TRIM17: variants seen among roughly 807,000 people sequenced by gnomAD.
TRIM17 encodes the protein E3 ubiquitin-protein ligase TRIM17.
Under a neutral mutation model 35.8 loss-of-function variants are expected in TRIM17, and 27 were observed. The ratio of observed to expected loss-of-function variants is 0.75; its 90% CI spans 0.56 to 1.04. The LOEUF is 1.04. Among genes scored for constraint, TRIM17 ranks in the 50% least tolerant of loss-of-function variants. The pLI, the probability that TRIM17 is intolerant of heterozygous loss-of-function variation, is 0.00. For missense variants in TRIM17, 582 were observed against 612.8 expected, an observed-to-expected ratio of 0.95 and a Z score of 0.53; for synonymous variants, 246 against 252.6, an observed-to-expected ratio of 0.97 and a Z score of 0.25.
At position 228,415,078 on chromosome 1, in the gene TRIM17, C is replaced by T. The variant is rs775316200; in HGVS notation, c.-6G>A. The stretch of plus-strand genomic sequence containing the variant: ...GCGAGTTCCACAGCCTCCATGGCTC[C>T]TGGGAGACACGAGGCAGGTTCCCGC... On this transcript the variant is annotated 5_prime_UTR_variant, in exon 2 of 7. Transcript: ENST00000366698. The T allele has an allele frequency of 5.2e-5, 83 of 1,595,670 alleles. No homozygotes were observed. The highest frequency in any genetic ancestry group is 6.4e-5 in the Non-Finnish European group (75 of 1,168,002).
Position 228,411,188 on chromosome 1 carries a change from G to C in TRIM17, c.526-12C>G. The C allele has an allele frequency of 6.3e-7, 1 of 1,591,054 alleles. No homozygotes were observed. The highest frequency in any genetic ancestry group is 8.6e-7 in the Non-Finnish European group (1 of 1,167,196). On this transcript the variant is annotated splice_polypyrimidine_tract_variant and intron_variant, in intron 3 of 6. Transcript: ENST00000366698. This position sits in a 1 kb window ranked among gnomAD's most constrained non-coding sequence, Gnocchi z 4.2. Reference sequence around the variant, plus strand: ...TCCTTCACCTTGCCCTGCAGGAGTGGAGAAGCCCAGCATGTTGCCAGCAGG... The same window carrying C: ...TCCTTCACCTTGCCCTGCAGGAGTGCAGAAGCCCAGCATGTTGCCAGCAGG...
intron 3 of TRIM17, 126 bp downstream of exon 3, chr1:228,413,671 G>C: frequency 1.4e-6 from 1 of 708,026 alleles, no homozygotes; most frequent in Admixed American, 2.3e-5. Flanking sequence ...GAACCTAGAA[G>C]GGTAGAGGCA....
At chr1:228,409,478 C>G (rs967820665) in intron 4 of TRIM17, 67 bp from the exon 5 acceptor site, 1 of 1,430,376 alleles carries the variant, frequency 7.0e-7, no homozygotes, top group Non-Finnish European at 9.3e-7. Context: ...TGTCCCTGCT[C>G]CCTTCTTGTC....
chr1:228,409,874 C>G (rs988692972), intron 4 of TRIM17, among the ~76,000 whole-genome samples: 38 of 152,058 alleles, frequency 2.5e-4, no homozygotes, highest in African/African-American at 7.2e-4. Context: ...CTAAAGAGAT[C>G]ACTGTTTACT....
chr1:228,409,109 G>A (rs1331608149), intron 6 of TRIM17, 63 bp downstream of exon 6: 1 of 1,613,798 alleles, frequency 6.2e-7, no homozygotes, highest in African/African-American at 1.3e-5. Context: ...GAGGCTAGGG[G>A]GTACAGTGGG....
intron 6 of TRIM17, 80 bp downstream of exon 6, chr1:228,409,092 G>A (rs1471978746): frequency 6.2e-7 from 1 of 1,613,650 alleles, no homozygotes; most frequent in Admixed American, 1.7e-5. Context: ...CCCCATTGGT[G>A]GCTTCCGAGG....
intron 3 of TRIM17, among the ~76,000 whole-genome samples, chr1:228,412,140 T>C (rs1253884010): frequency 6.6e-6 from 1 of 152,192 alleles, no homozygotes; most frequent in East Asian, 1.9e-4. Flanking sequence ...CAGGTCACCA[T>C]GGGACTGGTC....
chr1:228,408,834 G>T lies in TRIM17; in HGVS notation c.884-83C>A. The T allele has an allele frequency of 6.5e-7, 1 of 1,527,674 alleles. No homozygotes were observed. The highest frequency in any genetic ancestry group is 1.4e-5 in the African/African-American group (1 of 73,156). 94.6% of individuals were successfully genotyped at this position (1,527,674 alleles called of 1,614,324 possible). On this transcript the variant is annotated intron_variant, in intron 6 of 6. Coordinates refer to ENST00000366698, the MANE Select transcript of TRIM17 (RefSeq NM_016102.4). The surrounding 1 kb of genome is among the most constrained non-coding windows in gnomAD (Gnocchi z 6.3). ...AGGTGGGAGTCCCCGGGCCCTAGTG[G>T]TGGATGTGGCCAATGGTCCCCTAAC...
chr1:228,416,306 C>T (rs1657120211), intron 1 of TRIM17: 2 of 982,696 alleles, frequency 2.0e-6, no homozygotes, highest in Non-Finnish European at 2.4e-6. Flanking sequence ...GGGACAGCGG[C>T]AGCGGGCCTG....
At chr1:228,414,497 A>T in intron 2 of TRIM17, 147 bp downstream of exon 2, 2 of 680,324 alleles carry the variant, frequency 2.9e-6, no homozygotes, top group Non-Finnish European at 5.0e-6. Context: ...GCCACAGGCC[A>T]CCTTGTCCCC....
chr1:228,411,291 G>C lies in TRIM17; in HGVS notation c.526-115C>G, dbSNP rs192218735. On this transcript the variant is annotated intron_variant, in intron 3 of 6. Coordinates refer to ENST00000366698, the MANE Select transcript of TRIM17 (RefSeq NM_016102.4). This position sits in a 1 kb window ranked among gnomAD's most constrained non-coding sequence, Gnocchi z 4.2. The stretch of plus-strand genomic sequence containing the variant: ...AAGATCACCAGCAACTGGAGCTTTA[G>C]TTGGGGACCAGGAACTGTGACAGAG... The C allele has an allele frequency of 7.8e-4, 646 of 823,122 alleles. 4 individuals carry two copies. The highest frequency in any genetic ancestry group is 7.4e-3 in the East Asian group (296 of 39,996). 51.0% of individuals were successfully genotyped at this position (823,122 alleles called of 1,614,324 possible).
chr1:228,408,617 C>A lies in TRIM17; in HGVS notation c.1018G>T (p.Ala340Ser). ...GAGGAGAAGGCCGTCTGGCCCACAG[C>A]ACAGGGGTAAGCCACAAATCGGTCC... is the stretch of plus-strand genomic sequence containing the variant. ...SKDRFVAYPC[A>S]VGQTAFSSGR... The change falls in exon 7 of 7, where the codon GCT becomes TCT. Residue 340 changes from alanine to serine, a missense_variant. By Grantham distance (99) the Ala-to-Ser change is moderately conservative. Transcript: ENST00000366698. The surrounding 1 kb of genome is among the most constrained non-coding windows in gnomAD (Gnocchi z 6.3). The A allele has an allele frequency of 6.2e-7, 1 of 1,613,816 alleles. No individual in the cohort carries two copies. The highest frequency in any genetic ancestry group is 8.5e-7 in the Non-Finnish European group (1 of 1,180,040).
In TRIM17 at chr1:228,408,203, A is replaced by G. The variant is rs762322508; in HGVS notation, c.1432T>C (p.Ter478GlnextTer37). The change falls in exon 7 of 7, where the codon TAG becomes CAG. Residue 478 changes from the stop codon to glutamine (Q), a stop_lost. Transcript: ENST00000366698. This position sits in a 1 kb window ranked among gnomAD's most constrained non-coding sequence, Gnocchi z 6.3. ...ISTVTMWVKG* is the reference protein window; with the variant it reads ...ISTVTMWVKGQ ...TGCCCGAGTCCCCCGGTCTGTGTCT[A>G]TCCTTTCACCCACATGGTCACTGTG... 5.2e-6 allele frequency: 8 copies of G among 1,524,282 alleles called. No individual in the cohort carries two copies. Among genetic ancestry groups the G allele is most frequent in the South Asian group, 2.6e-5 (2 of 76,036 alleles). The allele number at this position is 1,524,282 out of a possible 1,614,324, so 94.4% of individuals were successfully genotyped here.
chr1:228,413,851 G>A lies in TRIM17; in HGVS notation c.471C>T (p.Ile157=), dbSNP rs1396900141. ...EEDMEYLREQ[I]TRTGNLQARE... is the part of the protein sequence containing the mutation. Reference sequence around the variant, plus strand: ...TGGCCTGCAGATTCCCTGTCCTGGTGATCTGCTCCCGAAGGTACTCCATGT... The same window carrying A: ...TGGCCTGCAGATTCCCTGTCCTGGTAATCTGCTCCCGAAGGTACTCCATGT... Residue 157 remains isoleucine, a synonymous_variant, in exon 3 of 7, where the codon ATC becomes ATT. Transcript: ENST00000366698. 6.2e-7 allele frequency: 1 copy of A among 1,614,204 alleles called. No homozygotes were observed. Among genetic ancestry groups the A allele is most frequent in the South Asian group, 1.1e-5 (1 of 91,092 alleles).
chr1:228,410,856 C>A lies in TRIM17; in HGVS notation c.756+90G>T. The A allele has an allele frequency of 1.1e-6, 1 of 946,902 alleles. No homozygotes were observed. The allele number at this position is 946,902 out of a possible 1,614,324, so 58.7% of individuals were successfully genotyped here. ...AGACTGGGAGCTAACAGCCCTTTCC[C>A]GTTGGCTGCCTCTTCCCCAAGCCCA... On this transcript the variant is annotated intron_variant, in intron 4 of 6. Transcript: ENST00000366698. The surrounding 1 kb of genome is among the most constrained non-coding windows in gnomAD (Gnocchi z 4.6).
intron 1 of TRIM17, chr1:228,415,640 TTTTC>T (rs1657070091): frequency 6.5e-6 from 1 of 152,852 alleles, no homozygotes; most frequent in South Asian, 2.1e-4. Context: ...TGTCAGAATT[TTTTC>T]TTTAACAAAA....
At chr1:228,413,368 G>GC (rs1656891605) in intron 3 of TRIM17, among the ~76,000 whole-genome samples, 1 of 151,968 alleles carries the variant, frequency 6.6e-6, no homozygotes, top group Admixed American at 6.6e-5. Flanking sequence ...CAGCCCAGAG[G>GC]CCCCCAAGCC....
At chr1:228,415,405 C>T (rs972300709) in intron 1 of TRIM17, 1 of 254,848 alleles carries the variant, frequency 3.9e-6, no homozygotes, top group Non-Finnish European at 7.5e-6. Flanking sequence ...CTCATCAGCT[C>T]CTCCTCCCCG....
In TRIM17 at chr1:228,409,398, G is replaced by A; in HGVS notation, c.770C>T (p.Pro257Leu). ...TGAGGGGACCACATACCTGCTCAGGGGTTCCTTCATGTCCTGCAAAAGACA... is the reference window on the plus strand; with the variant it reads ...TGAGGGGACCACATACCTGCTCAGGAGTTCCTTCATGTCCTGCAAAAGACA... ...PLQMLQDMKE[P>L]LSRKNNVSVQ... The change falls in exon 5 of 7, where the codon CCC (proline) becomes CTC (leucine). Residue 257 changes from proline to leucine, a missense_variant. By Grantham distance (98) the Pro-to-Leu change is moderately conservative (BLOSUM62 -3). Coordinates refer to ENST00000366698, the MANE Select transcript of TRIM17 (RefSeq NM_016102.4). 2 of 1,558,486 alleles carry A rather than the reference G, an allele frequency of 1.3e-6. No individual in the cohort carries two copies. The highest frequency in any genetic ancestry group is 1.2e-5 in the South Asian group (1 of 84,512).
Sources: gnomAD v4.1 joint callset for allele counts (sites outside exome capture counted in the v4.1 genomes callset) on GRCh38, gnomAD v4.1.1 for gene constraint, Gnocchi (gnomAD v3.1) non-coding constraint, MANE v1.5 for transcripts, NCBI Gene and HGNC (gene_info 2026-07-23, HGNC 2026-07-21) for gene names.